LIPI: variants seen among roughly 807,000 people sequenced by gnomAD.
The protein encoded by LIPI is lipase member I.
In LIPI, 59 loss-of-function variants were observed where a neutral mutation model predicts 50.6. The ratio of observed to expected loss-of-function variants is 1.16; its 90% CI spans 0.94 to 1.45. The LOEUF is 1.45. Ranked by LOEUF, LIPI falls within the 40% of genes most tolerant of loss-of-function variation. The probability of loss-of-function intolerance (pLI) is 0.00; values close to 1 mark genes in which losing one functional copy is unlikely to be tolerated. For missense variants in LIPI, 586 were observed against 536.3 expected (o/e 1.09, Z -0.92); for synonymous variants, 203 against 178.2 (o/e 1.14, Z -1.11).
chr21:14,159,058 A>AAAG (rs2018372858), intron 7 of LIPI, among the ~76,000 whole-genome samples: 1 of 151,618 alleles, frequency 6.6e-6, no homozygotes, highest in Non-Finnish European at 1.5e-5. Context: ...CCAAACATTT[A>AAAG]AAGAATTAAC....
intron 7 of LIPI, among the ~76,000 whole-genome samples, chr21:14,154,074 A>T (rs1484848833): frequency 1.3e-5 from 2 of 152,136 alleles, no homozygotes; most frequent in African/African-American, 4.8e-5. Context: ...AAAGATAGAC[A>T]TGAATCTCTA....
chr21:14,153,536 G>C (rs544332070), intron 7 of LIPI, among the ~76,000 whole-genome samples: 3 of 152,278 alleles, frequency 2.0e-5, no homozygotes, highest in Non-Finnish European at 4.4e-5. Flanking sequence ...GGAAATGCTA[G>C]GTGTACAATC....
intron 1 of LIPI, among the ~76,000 whole-genome samples, chr21:14,208,025 G>T (rs1437260528): frequency 6.6e-6 from 1 of 152,166 alleles, no homozygotes; most frequent in Non-Finnish European, 1.5e-5. Context: ...TGTTTAAAGA[G>T]ATTTTGGTAC....
rs1437278790 is a variant in LIPI, at chr21:14,206,833, C to G, written c.46+3967G>C. 1 of 1,608,506 alleles carries G rather than the reference C, an allele frequency of 6.2e-7. No homozygotes were observed. Among genetic ancestry groups the G allele is most frequent in the Non-Finnish European group, 8.5e-7 (1 of 1,175,454 alleles). ...AGATTACCTGATCTCAGGCACACAA[C>G]TAGAAGCCACAGGACATTTCTGGGT... On this transcript the variant is annotated intron_variant, in intron 1 of 9. Coordinates refer to ENST00000681601, the MANE Select transcript of LIPI (RefSeq NM_001302998.2).
intron 4 of LIPI, among the ~76,000 whole-genome samples, 176 bp downstream of exon 4, chr21:14,181,582 A>T (rs2019271002): frequency 6.6e-6 from 1 of 152,164 alleles, no homozygotes; most frequent in South Asian, 2.1e-4. Context: ...CCATTTGACA[A>T]TGCAGGAAAT....
At chr21:14,193,664 C>G in intron 1 of LIPI, among the ~76,000 whole-genome samples, 1 of 151,692 alleles carries the variant, frequency 6.6e-6, no homozygotes, top group East Asian at 1.9e-4. Context: ...AATGCTGAAA[C>G]AGTAAAAATT....
intron 9 of LIPI, among the ~76,000 whole-genome samples, chr21:14,132,410 C>T (rs2017331345): frequency 6.6e-6 from 1 of 152,130 alleles, no homozygotes; most frequent in South Asian, 2.1e-4. Flanking sequence ...ATGACATTTT[C>T]AAAGTGCTGA....
intron 1 of LIPI, among the ~76,000 whole-genome samples, chr21:14,207,119 G>C (rs1399476630): frequency 1.3e-5 from 2 of 152,178 alleles, no homozygotes; most frequent in Admixed American, 1.3e-4. Flanking sequence ...CTGAATGCTA[G>C]TGGCAGAAAG....
chr21:14,166,578 G>A (rs1313850168), intron 4 of LIPI, 127 bp from the exon 5 acceptor site: 6 of 663,284 alleles, frequency 9.0e-6, no homozygotes, highest in African/African-American at 1.8e-5. Context: ...AATAAGTGCT[G>A]TTTTTATAAA....
At chr21:14,193,997 A>C (rs1466216433) in intron 1 of LIPI, among the ~76,000 whole-genome samples, 1 of 152,170 alleles carries the variant, frequency 6.6e-6, no homozygotes, top group African/African-American at 2.4e-5. Flanking sequence ...TTGACTTATC[A>C]ATGAAGATAT....
rs1041031153 is a variant in LIPI at position 14,185,955 on chromosome 21, T to A, written c.541+6A>T. 4.2e-6 allele frequency: 6 copies of A among 1,411,790 alleles called. No homozygotes were observed. The highest frequency in any genetic ancestry group is 2.8e-5 in the African/African-American group (2 of 71,370). The allele number at this position is 1,411,790 out of a possible 1,614,324, so 87.5% of individuals were successfully genotyped here. ...TAAAGCAATAATTTTATAAAAATAA[T>A]TTTACCTGTTATTCTTCCAAGTTGA... On this transcript the variant is annotated splice_donor_region_variant and intron_variant, in intron 3 of 9. Transcript: ENST00000681601.
At chr21:14,196,374 T>C (rs1180451802) in intron 1 of LIPI, among the ~76,000 whole-genome samples, 1 of 152,210 alleles carries the variant, frequency 6.6e-6, no homozygotes, top group Non-Finnish European at 1.5e-5. Flanking sequence ...ATATTTAATC[T>C]AGCGTCATAA....
rs374564994 is a variant in LIPI, at chr21:14,163,393, A to G, written c.1006+26T>C. On this transcript the variant is annotated intron_variant, in intron 7 of 9. Transcript: ENST00000681601. ...TGCAAAAAAAACTAAAAATTTGTTT[A>G]TTTGTTAAAATTGTTAATAACTTAC... 3.1e-4 allele frequency: 344 copies of G among 1,099,960 alleles called. 5 individuals are homozygous for G. The South Asian group carries it at 4.1e-3, about 13-fold the overall frequency. The allele number at this position is 1,099,960 out of a possible 1,614,324, so 68.1% of individuals were successfully genotyped here.
At chr21:14,195,396 T>G (rs542975754) in intron 1 of LIPI, among the ~76,000 whole-genome samples, 3 of 152,186 alleles carry the variant, frequency 2.0e-5, no homozygotes, top group African/African-American at 7.2e-5. Flanking sequence ...GCAGGGACAT[T>G]CAGTAGGATC....
At chr21:14,149,421 A>T (rs888681032) in intron 8 of LIPI, among the ~76,000 whole-genome samples, 2 of 152,146 alleles carry the variant, frequency 1.3e-5, no homozygotes, top group African/African-American at 4.8e-5. Flanking sequence ...CACAGAGTTA[A>T]ACCAAATCAT....
chr21:14,176,788 C>A (rs1039752766), intron 4 of LIPI, among the ~76,000 whole-genome samples: 1 of 135,996 alleles, frequency 7.4e-6, no homozygotes, highest in African/African-American at 2.7e-5. Flanking sequence ...TTTATTTATT[C>A]TTTTATTATT....
chr21:14,109,175 C>G (rs1445259543), intron 9 of LIPI, 95 bp from the exon 10 acceptor site: 1 of 927,690 alleles, frequency 1.1e-6, no homozygotes, highest in African/African-American at 1.6e-5. Context: ...ATAGTCCATG[C>G]CTGTAACTAG....
chr21:14,125,775 G>A (rs1252640589), intron 9 of LIPI, among the ~76,000 whole-genome samples: 1 of 152,078 alleles, frequency 6.6e-6, no homozygotes, highest in South Asian at 2.1e-4. Context: ...AGCCAGGATG[G>A]TCTCCATCTG....
At chr21:14,176,419 A>G (rs1184170020) in intron 4 of LIPI, among the ~76,000 whole-genome samples, 1 of 151,942 alleles carries the variant, frequency 6.6e-6, no homozygotes, top group Admixed American at 6.6e-5. Flanking sequence ...CTTTTAAAAC[A>G]GCTGTACTCA....
Sources: allele counts gnomAD v4.1 joint callset (sites outside exome capture counted in the v4.1 genomes callset), GRCh38; gene constraint gnomAD v4.1.1; transcripts MANE v1.5; gene names NCBI Gene and HGNC (gene_info 2026-07-23, HGNC 2026-07-21).